Variants in MPPED1 observed in about 807,000 individuals in gnomAD.
MPPED1 encodes the protein metallophosphoesterase domain-containing protein 1.
In MPPED1, 16 loss-of-function variants were observed where a neutral mutation model predicts 36.2. The observed-to-expected ratio is 0.44, with a 90% CI of 0.30 to 0.67. The LOEUF (loss-of-function observed/expected upper bound fraction) is 0.67, where lower values mean the gene tolerates loss of function less well. MPPED1 is among the 30% of genes least tolerant of loss of function. The pLI, the probability that MPPED1 is intolerant of heterozygous loss-of-function variation, is 0.10. For synonymous variants in MPPED1, 199 were observed against 191.3 expected (o/e 1.04, Z -0.33); for missense variants, 307 against 453.4 (o/e 0.68, Z 2.93).
intron 3 of MPPED1, among the ~76,000 whole-genome samples, chr22:43,466,041 C>T (rs1221107985): frequency 6.6e-6 from 1 of 152,180 alleles, no homozygotes; most frequent in Non-Finnish European, 1.5e-5. Context: ...GGCCTGAAGT[C>T]ATATGTGCTC....
At chr22:43,504,048 G>A (rs1193289899) in intron 6 of MPPED1, among the ~76,000 whole-genome samples, 1 of 152,170 alleles carries the variant, frequency 6.6e-6, no homozygotes, top group Non-Finnish European at 1.5e-5. Flanking sequence ...GATAATGATA[G>A]TGATGATGGT....
At chr22:43,476,851 C>T (rs922975857) in intron 4 of MPPED1, among the ~76,000 whole-genome samples, 3 of 152,092 alleles carry the variant, frequency 2.0e-5, no homozygotes, top group Non-Finnish European at 1.5e-5. Context: ...GTCTGCCTCA[C>T]CGGCCACTAG....
chr22:43,466,027 T>A (rs2146874599), intron 3 of MPPED1, among the ~76,000 whole-genome samples: 1 of 152,280 alleles, frequency 6.6e-6, no homozygotes, highest in Non-Finnish European at 1.5e-5. Flanking sequence ...CACAGAAAAC[T>A]TTCGGCCTGA....
chr22:43,482,898 T>C (rs1931794825), intron 4 of MPPED1, among the ~76,000 whole-genome samples: 1 of 152,210 alleles, frequency 6.6e-6, no homozygotes, highest in Admixed American at 6.5e-5. Flanking sequence ...CGGAGCAGCC[T>C]GGAACTTGAA....
intron 2 of MPPED1, among the ~76,000 whole-genome samples, chr22:43,431,021 A>ATTTTTTTTTTTTTTT (rs135076): frequency 2.4e-5 from 1 of 42,304 alleles, no homozygotes; most frequent in African/African-American, 6.5e-5. Flanking sequence ...GTTGTTGTTA[A>ATTTTTTTTTTTTTTT]TTTTTTTTTT....
chr22:43,412,067 C>T lies in MPPED1; in HGVS notation c.-170C>T, dbSNP rs1466785651. ...GGCCGCCGCCGGAGGAGCCCCCGCC[C>T]CTGCGCGCCTCCCTCCCGGGAGCCC... On this transcript the variant is annotated 5_prime_UTR_variant, in exon 1 of 7. Coordinates refer to ENST00000443721, the MANE Select transcript of MPPED1 (RefSeq NM_001044370.2). The T allele has an allele frequency of 1.4e-5, 14 of 979,458 alleles. No homozygotes were observed. Among genetic ancestry groups the T allele is most frequent in the East Asian group, 1.2e-4 (1 of 8,630 alleles). 60.7% of individuals were successfully genotyped at this position (979,458 alleles called of 1,614,324 possible). A position where few individuals can be genotyped will look rare whatever the true frequency, so the allele number is the denominator to read the frequency against.
rs1169543167 is a variant in MPPED1 at position 43,495,641 on chromosome 22, G to A, written c.633-2594G>A. On this transcript the variant is annotated intron_variant, in intron 4 of 6. Coordinates refer to ENST00000443721, the MANE Select transcript of MPPED1 (RefSeq NM_001044370.2). ...AGTGGTGGAGATGGTGGTGGTGGAG[G>A]TGATGGTGGAGGTAGTGGTGGTGGA... Among the ~76,000 whole-genome samples, 97 of 95,386 alleles carry A rather than the reference G, an allele frequency of 1.0e-3. 2 individuals carry two copies. The highest frequency in any genetic ancestry group is 3.1e-3 in the African/African-American group (90 of 28,962). 62.6% of individuals were successfully genotyped at this position (95,386 alleles called of 152,430 possible). A position where few individuals can be genotyped will look rare whatever the true frequency, so the allele number is the denominator to read the frequency against.
chr22:43,480,944 C>T (rs1235465599), intron 4 of MPPED1, among the ~76,000 whole-genome samples: 1 of 151,864 alleles, frequency 6.6e-6, no homozygotes, highest in Non-Finnish European at 1.5e-5. Context: ...CTGCCTCAGC[C>T]TCCTGAGTAG....
intron 2 of MPPED1, among the ~76,000 whole-genome samples, chr22:43,433,760 GAA>G (rs135072): frequency 0.084 from 12,593 of 149,864 alleles, 625 homozygotes; most frequent in African/African-American, 0.14. Flanking sequence ...TATATTGTCT[GAA>G]AAAAAAAAAA....
At chr22:43,489,268 G>C (rs1022712533) in intron 4 of MPPED1, among the ~76,000 whole-genome samples, 3 of 152,148 alleles carry the variant, frequency 2.0e-5, no homozygotes, top group African/African-American at 7.2e-5. Context: ...GCCCAGGGCA[G>C]AGCCTGATGG....
At chr22:43,492,096 A>G (rs1249696493) in intron 4 of MPPED1, among the ~76,000 whole-genome samples, 2 of 151,860 alleles carry the variant, frequency 1.3e-5, no homozygotes, top group Admixed American at 6.6e-5. Context: ...GGTGATGGGG[A>G]TGATGAACTT....
At chr22:43,416,312 C>T (rs1290299339) in intron 1 of MPPED1, 1 of 152,214 alleles carries the variant, frequency 6.6e-6, no homozygotes, top group Non-Finnish European at 1.5e-5. Flanking sequence ...ACAAAACATA[C>T]ACTTGAACTG....
chr22:43,434,569 G>A (rs996099619), intron 2 of MPPED1, among the ~76,000 whole-genome samples: 1 of 152,212 alleles, frequency 6.6e-6, no homozygotes, highest in South Asian at 2.1e-4. Flanking sequence ...GTGGATGTGA[G>A]GTACCTAAAC....
chr22:43,432,340 G>C (rs1423023062), intron 2 of MPPED1, among the ~76,000 whole-genome samples: 1 of 124,034 alleles, frequency 8.1e-6, no homozygotes, highest in Non-Finnish European at 1.7e-5. Flanking sequence ...AAGAGGGAAA[G>C]AGAGAAGGGG....
chr22:43,504,321 CATG>C, intron 6 of MPPED1, among the ~76,000 whole-genome samples: 1 of 150,842 alleles, frequency 6.6e-6, no homozygotes, highest in East Asian at 2.0e-4. Flanking sequence ...TGGTGATGAT[CATG>C]ATGACATCAG....
chr22:43,438,180 TAGAG>T (rs1328923896), intron 3 of MPPED1, among the ~76,000 whole-genome samples: 4 of 152,050 alleles, frequency 2.6e-5, no homozygotes, highest in Non-Finnish European at 4.4e-5. Context: ...AGCCATTCAT[TAGAG>T]AGAGCTATGG....
intron 3 of MPPED1, among the ~76,000 whole-genome samples, chr22:43,456,513 G>C (rs1333218976): frequency 6.6e-6 from 1 of 152,128 alleles, no homozygotes; most frequent in East Asian, 1.9e-4. Flanking sequence ...GTTTTGTTTA[G>C]AGACAGTGTC....
chr22:43,425,883 G>GA (rs1404551229), intron 2 of MPPED1, among the ~76,000 whole-genome samples: 41 of 152,350 alleles, frequency 2.7e-4, no homozygotes, highest in African/African-American at 9.6e-4. Context: ...CAGACTCAAG[G>GA]CCCCCGTGAG....
At chr22:43,414,877 T>C (rs1275593738) in intron 1 of MPPED1, among the ~76,000 whole-genome samples, 1 of 152,120 alleles carries the variant, frequency 6.6e-6, no homozygotes, top group Non-Finnish European at 1.5e-5. Flanking sequence ...GCTCCCCAGG[T>C]GCAGAGGCCT....
Sources: allele counts gnomAD v4.1 joint callset (sites outside exome capture counted in the v4.1 genomes callset), GRCh38; gene constraint gnomAD v4.1.1; transcripts MANE v1.5; gene names NCBI Gene and HGNC (gene_info 2026-07-23, HGNC 2026-07-21).